The following BTRC variants were observed in gnomAD, a reference collection of about 807,000 sequenced individuals.
BTRC encodes the protein beta-transducin repeat containing E3 ubiquitin protein ligase.
BTRC carries 42 observed loss-of-function variants against 85.5 expected under a neutral mutation model. That is an observed-to-expected ratio of 0.49 (90% CI 0.38 to 0.64). The LOEUF (loss-of-function observed/expected upper bound fraction) is 0.64. Ranked by LOEUF, BTRC falls within the 30% of genes least tolerant of loss-of-function variation. The pLI, the probability that BTRC is intolerant of heterozygous loss-of-function variation, is 0.00. For missense variants in BTRC, 594 were observed against 743.5 expected, an observed-to-expected ratio of 0.80 and a Z score of 2.34; for synonymous variants, 255 against 263.3, an observed-to-expected ratio of 0.97 and a Z score of 0.30.
intron 1 of BTRC, among the ~76,000 whole-genome samples, chr10:101,359,206 A>G (rs1942130540): frequency 6.6e-6 from 1 of 152,204 alleles, no homozygotes; most frequent in Non-Finnish European, 1.5e-5. Flanking sequence ...TTTAAAATAA[A>G]TTGTCAGATG....
At chr10:101,472,688 A>G (rs1350879588) in intron 3 of BTRC, among the ~76,000 whole-genome samples, 2 of 152,080 alleles carry the variant, frequency 1.3e-5, no homozygotes, top group Non-Finnish European at 2.9e-5. Context: ...GGTGGCGCAC[A>G]CCTGTAGTCC....
chr10:101,479,013 G>GA (rs1423066238), intron 3 of BTRC, among the ~76,000 whole-genome samples: 1 of 151,410 alleles, frequency 6.6e-6, no homozygotes, highest in Non-Finnish European at 1.5e-5. Context: ...AGTTTAGAAG[G>GA]AAAAACAACA....
At chr10:101,469,491 G>C (rs952667472) in intron 3 of BTRC, among the ~76,000 whole-genome samples, 1 of 152,136 alleles carries the variant, frequency 6.6e-6, no homozygotes, top group African/African-American at 2.4e-5. Flanking sequence ...GAAGGGAAAA[G>C]AGGGTAATTT....
chr10:101,495,449 T>C (rs906124312), intron 4 of BTRC, among the ~76,000 whole-genome samples: 1 of 152,214 alleles, frequency 6.6e-6, no homozygotes, highest in African/African-American at 2.4e-5. Context: ...AATCACCGTA[T>C]TGCATTTAAC....
chr10:101,531,875 A>G (rs2062287412), intron 7 of BTRC, among the ~76,000 whole-genome samples: 1 of 152,220 alleles, frequency 6.6e-6, no homozygotes, highest in South Asian at 2.1e-4. Flanking sequence ...TAGCAGTGTG[A>G]CTGGTAAACT....
intron 4 of BTRC, among the ~76,000 whole-genome samples, chr10:101,520,200 G>A (rs977230641): frequency 6.6e-6 from 1 of 152,006 alleles, no homozygotes; most frequent in African/African-American, 2.4e-5. Flanking sequence ...CTGGAGGGAA[G>A]TGGTGCAATC....
chr10:101,498,860 G>A (rs9420836), intron 4 of BTRC, among the ~76,000 whole-genome samples: 44,952 of 151,848 alleles, frequency 0.3, 7,954 homozygotes, highest in Middle Eastern at 0.47. Flanking sequence ...GGGTGTAGTG[G>A]TGCGCGCCTG....
At chr10:101,387,583 A>G (rs1287998810) in intron 1 of BTRC, among the ~76,000 whole-genome samples, 2 of 119,596 alleles carry the variant, frequency 1.7e-5, no homozygotes, top group East Asian at 5.4e-4. Flanking sequence ...CTGGAGTGCA[A>G]TGGTGCGATC....
chr10:101,362,021 C>T (rs1004264251), intron 1 of BTRC, among the ~76,000 whole-genome samples: 1 of 152,106 alleles, frequency 6.6e-6, no homozygotes, highest in Non-Finnish European at 1.5e-5. Context: ...AGTGCAGTGG[C>T]ATGATCTCAG....
intron 1 of BTRC, among the ~76,000 whole-genome samples, chr10:101,404,601 A>C (rs1943574121): frequency 6.6e-6 from 1 of 152,154 alleles, no homozygotes; most frequent in South Asian, 2.1e-4. Context: ...TGTCTGTTAC[A>C]TTTTGAAAGC....
intron 4 of BTRC, among the ~76,000 whole-genome samples, chr10:101,517,456 A>G (rs185046224): frequency 4.7e-4 from 71 of 152,322 alleles, no homozygotes; most frequent in African/African-American, 1.4e-3. Context: ...AAAAGAAAAT[A>G]AGGCAAGCCT....
chr10:101,404,775 G>A (rs1023922995), intron 1 of BTRC, among the ~76,000 whole-genome samples: 3 of 152,062 alleles, frequency 2.0e-5, no homozygotes, highest in African/African-American at 7.2e-5. Flanking sequence ...GAGGTGGGCG[G>A]ATCACGAGGT....
At chr10:101,358,349 C>A (rs1407353381) in intron 1 of BTRC, among the ~76,000 whole-genome samples, 1 of 152,136 alleles carries the variant, frequency 6.6e-6, no homozygotes, top group Non-Finnish European at 1.5e-5. Flanking sequence ...AAGGGGTCCT[C>A]CTGCCTTGGC....
chr10:101,544,902 A>C (rs891583295), intron 13 of BTRC, among the ~76,000 whole-genome samples: 1 of 152,010 alleles, frequency 6.6e-6, no homozygotes, highest in Non-Finnish European at 1.5e-5. Context: ...AAAAATACAA[A>C]GATTAGCTGG....
chr10:101,528,924 A>G (rs949483361), intron 6 of BTRC, among the ~76,000 whole-genome samples: 1 of 152,194 alleles, frequency 6.6e-6, no homozygotes, highest in Non-Finnish European at 1.5e-5. Context: ...TTTTATATCT[A>G]GATGGATTTG....
At chr10:101,461,889 A>C (rs1945235248) in intron 2 of BTRC, 92 bp from the exon 3 acceptor site, 1 of 920,016 alleles carries the variant, frequency 1.1e-6, no homozygotes, top group Non-Finnish European at 1.7e-6. Context: ...TGTATGTTCT[A>C]ACTTACAGAA....
rs55741478 is a variant in BTRC at position 101,537,264 on chromosome 10, A to C, written c.1577+611A>C. On this transcript the variant is annotated intron_variant, in intron 12 of 14. Transcript: ENST00000370187. ...AAAAGTAGTCTGGGCACAATGGCTC[A>C]TGCATTTAATCCCAGCACTTTGGGA... 9.5e-3 allele frequency among the ~76,000 whole-genome samples: 1,449 copies of C among 152,348 alleles called. 17 individuals are homozygous for C. Among genetic ancestry groups the C allele is most frequent in the Non-Finnish European group, 0.012 (821 of 68,036 alleles).
Position 101,554,551 on chromosome 10 carries a change from A to T in BTRC, c.*1428A>T, listed in dbSNP as rs1315467175. On this transcript the variant is annotated 3_prime_UTR_variant, in exon 15 of 15. Transcript: ENST00000370187. The stretch of plus-strand genomic sequence containing the variant: ...TATTTGCAGAAGGGCAAAGCTGCTT[A>T]AGAGAGAGGATCAGGGTGAAGTTTG... The T allele has an allele frequency of 1.3e-5, 2 of 152,630 alleles. No homozygotes were observed. Among genetic ancestry groups the T allele is most frequent in the African/African-American group, 4.8e-5 (2 of 41,440 alleles). The allele number at this position is 152,630 out of a possible 1,614,324, so 9.5% of individuals were successfully genotyped here. A position where few individuals can be genotyped will look rare whatever the true frequency, so the allele number is the denominator to read the frequency against.
chr10:101,409,899 T>C (rs189963467), intron 1 of BTRC, among the ~76,000 whole-genome samples: 537 of 152,360 alleles, frequency 3.5e-3, no homozygotes, highest in Admixed American at 5.6e-3. Flanking sequence ...TTTGTTTACC[T>C]GTTTTTAATT....
Sources: allele counts gnomAD v4.1 joint callset (sites outside exome capture counted in the v4.1 genomes callset), GRCh38; gene constraint gnomAD v4.1.1; transcripts MANE v1.5; gene names NCBI Gene and HGNC (gene_info 2026-07-23, HGNC 2026-07-21).